The following CRPPA variants were observed in gnomAD, a reference collection of about 807,000 sequenced individuals.
CRPPA encodes CDP-L-ribitol pyrophosphorylase A, also known as D-ribitol-5-phosphate cytidylyltransferase.
In CRPPA, 43 loss-of-function variants were observed where a neutral mutation model predicts 52.0. The ratio of observed to expected loss-of-function variants is 0.83; its 90% CI spans 0.65 to 1.07. CRPPA has a LOEUF of 1.07. Ranked by LOEUF, CRPPA falls within the 50% of genes least tolerant of loss-of-function variation. CRPPA has a pLI of 0.00. For missense variants in CRPPA, 629 were observed against 551.7 expected (o/e 1.14, Z -1.40); for synonymous variants, 250 against 203.5 (o/e 1.23, Z -1.94).
intron 9 of CRPPA, among the ~76,000 whole-genome samples, chr7:16,208,036 C>A (rs1782015485): frequency 6.6e-6 from 1 of 152,158 alleles, no homozygotes; most frequent in East Asian, 1.9e-4. Flanking sequence ...GTATTACATG[C>A]TTTTACTGTA....
chr7:16,115,867 T>G (rs2128368316), intron 9 of CRPPA, among the ~76,000 whole-genome samples: 1 of 152,032 alleles, frequency 6.6e-6, no homozygotes, highest in Middle Eastern at 3.4e-3. Context: ...TTCAGATAGA[T>G]TAGATAGATA....
rs751232682 is a variant in CRPPA, at chr7:16,239,559, C to CAAAAAAA, written c.1119+18824_1119+18830dup. On this transcript the variant is annotated intron_variant, in intron 8 of 9. Transcript: ENST00000407010. ...CCATTATTTAAATAGAAGTCAATAG[C>CAAAAAAA]AAAAAAAAAAAAAAAAAAAAAAAAA... 7.9e-3 allele frequency among the ~76,000 whole-genome samples: 374 copies of CAAAAAAA among 47,252 alleles called. 12 individuals are homozygous for CAAAAAAA. The highest frequency in any genetic ancestry group is 0.039 in the East Asian group (45 of 1,150). 31.0% of individuals were successfully genotyped at this position (47,252 alleles called of 152,430 possible).
chr7:16,162,885 G>A (rs1021678194), intron 9 of CRPPA, among the ~76,000 whole-genome samples: 10 of 151,718 alleles, frequency 6.6e-5, no homozygotes, highest in African/African-American at 2.4e-4. Context: ...TATATATTTA[G>A]GAGAGTTAGC....
At chr7:16,270,729 T>C (rs1160809898) in intron 6 of CRPPA, 1 of 152,198 alleles carries the variant, frequency 6.6e-6, no homozygotes, top group Admixed American at 6.5e-5. Flanking sequence ...TTCATTGTTA[T>C]TAACTATACA....
intron 3 of CRPPA, among the ~76,000 whole-genome samples, chr7:16,370,422 G>A (rs144747851): frequency 6.6e-6 from 1 of 152,168 alleles, no homozygotes; most frequent in East Asian, 1.9e-4. Flanking sequence ...CCCACTGCTG[G>A]GAGACTTGAA....
intron 3 of CRPPA, among the ~76,000 whole-genome samples, chr7:16,321,956 A>C (rs1785275087): frequency 6.6e-6 from 1 of 152,150 alleles, no homozygotes; most frequent in Non-Finnish European, 1.5e-5. Context: ...AAGAAAAAAC[A>C]AAGTACTGCT....
intron 3 of CRPPA, among the ~76,000 whole-genome samples, chr7:16,353,036 C>G (rs1387423858): frequency 6.6e-6 from 1 of 152,054 alleles, no homozygotes; most frequent in Non-Finnish European, 1.5e-5. Flanking sequence ...GAGACAAATG[C>G]TGTATGATCT....
chr7:16,205,732 T>C (rs1918259), intron 9 of CRPPA, among the ~76,000 whole-genome samples: 52,631 of 151,620 alleles, frequency 0.35, 9,627 homozygotes, highest in Admixed American at 0.42. Context: ...TATTTCCTCT[T>C]ACTACAGTGA....
At chr7:16,092,809 T>A (rs913679161) in intron 9 of CRPPA, among the ~76,000 whole-genome samples, 3 of 152,202 alleles carry the variant, frequency 2.0e-5, no homozygotes, top group Non-Finnish European at 2.9e-5. Flanking sequence ...ATGTCTCTTA[T>A]CCTCTCGGCC....
chr7:16,326,808 G>A (rs914401540), intron 3 of CRPPA, among the ~76,000 whole-genome samples: 10 of 152,010 alleles, frequency 6.6e-5, no homozygotes, highest in African/African-American at 2.4e-4. Flanking sequence ...CAAATGTATA[G>A]CAAAAAGGTA....
At chr7:16,221,044 A>G (rs1327396064) in intron 8 of CRPPA, among the ~76,000 whole-genome samples, 4 of 152,180 alleles carry the variant, frequency 2.6e-5, no homozygotes, top group African/African-American at 9.7e-5. Flanking sequence ...ACTTCAAACT[A>G]TACTACAAGG....
At chr7:16,387,042 AAG>A (rs1562671267) in intron 2 of CRPPA, among the ~76,000 whole-genome samples, 13 of 82,782 alleles carry the variant, frequency 1.6e-4, no homozygotes, top group Non-Finnish European at 3.0e-4. Flanking sequence ...AAATAAAAAA[AAG>A]ATATATATAT....
intron 9 of CRPPA, among the ~76,000 whole-genome samples, chr7:16,180,482 AT>A (rs1781389449): frequency 6.6e-6 from 1 of 152,136 alleles, no homozygotes; most frequent in African/African-American, 2.4e-5. Context: ...GCTATCCTTT[AT>A]AGATAATGTA....
intron 6 of CRPPA, among the ~76,000 whole-genome samples, chr7:16,265,314 T>C (rs1783924949): frequency 6.6e-6 from 1 of 152,208 alleles, no homozygotes; most frequent in South Asian, 2.1e-4. Context: ...AATAGTACTA[T>C]AACCAAGGTT....
At chr7:16,232,297 G>C (rs1210335459) in intron 8 of CRPPA, among the ~76,000 whole-genome samples, 1 of 152,048 alleles carries the variant, frequency 6.6e-6, no homozygotes, top group Non-Finnish European at 1.5e-5. Context: ...TAAGAGATAG[G>C]GCCTTTAAGA....
chr7:16,282,514 G>A (rs1039237795), intron 5 of CRPPA, among the ~76,000 whole-genome samples: 15 of 152,188 alleles, frequency 9.9e-5, no homozygotes, highest in African/African-American at 3.6e-4. Context: ...GGGAGTACAT[G>A]CACAGAAATG....
intron 3 of CRPPA, among the ~76,000 whole-genome samples, chr7:16,373,618 T>G (rs1786806653): frequency 6.6e-6 from 1 of 152,092 alleles, no homozygotes; most frequent in South Asian, 2.1e-4. Flanking sequence ...ACAGAACGGG[T>G]CAGCCTAACC....
chr7:16,264,896 T>A (rs555202403), intron 6 of CRPPA, among the ~76,000 whole-genome samples: 1 of 152,300 alleles, frequency 6.6e-6, no homozygotes, highest in East Asian at 1.9e-4. Flanking sequence ...TGGGTTTGAA[T>A]CTATCTCCAG....
chr7:16,419,077 GA>G (rs2128320847), intron 1 of CRPPA, among the ~76,000 whole-genome samples: 1 of 152,316 alleles, frequency 6.6e-6, no homozygotes, highest in South Asian at 2.1e-4. Flanking sequence ...AGTGGTTCAT[GA>G]AATGGTTTCA....
Sources: gnomAD v4.1 joint callset for allele counts (sites outside exome capture counted in the v4.1 genomes callset) on GRCh38, gnomAD v4.1.1 for gene constraint, MANE v1.5 for transcripts, NCBI Gene and HGNC (gene_info 2026-07-23, HGNC 2026-07-21) for gene names.